The following AGBL4 variants were observed in gnomAD, a reference collection of about 807,000 sequenced individuals.
AGBL4 encodes the protein cytosolic carboxypeptidase 6.
In AGBL4, 58 loss-of-function variants were observed where a neutral mutation model predicts 66.4. That is an observed-to-expected ratio of 0.87 (90% CI 0.71 to 1.09). The LOEUF (loss-of-function observed/expected upper bound fraction) is 1.09, where lower values mean the gene tolerates loss of function less well. AGBL4 is among the 50% of genes least tolerant of loss of function. The pLI is 0.00. For synonymous variants in AGBL4, 234 were observed against 222.9 expected, an observed-to-expected ratio of 1.05 and a Z score of -0.44; for missense variants, 579 against 631.0, an observed-to-expected ratio of 0.92 and a Z score of 0.88.
intron 8 of AGBL4, among the ~76,000 whole-genome samples, chr1:48,638,463 A>G (rs1315958618): frequency 6.6e-6 from 1 of 152,218 alleles, no homozygotes; most frequent in Non-Finnish European, 1.5e-5. Flanking sequence ...CTATAAATGG[A>G]CCAGGAGAAT....
At chr1:48,537,099 A>G (rs2803262) in intron 12 of AGBL4, among the ~76,000 whole-genome samples, 150,901 of 152,326 alleles carry the variant, frequency 0.99, 74,763 homozygotes, top group Middle Eastern at 1. Context: ...TTTCACTTAA[A>G]CTATTTGATG....
At chr1:49,272,781 T>C (rs748521331) in intron 3 of AGBL4, among the ~76,000 whole-genome samples, 3 of 152,206 alleles carry the variant, frequency 2.0e-5, no homozygotes, top group Non-Finnish European at 4.4e-5. Context: ...TCTGTTTATA[T>C]ACTGTCTGTC....
At chr1:48,800,314 C>T (rs1645781088) in intron 6 of AGBL4, among the ~76,000 whole-genome samples, 1 of 152,116 alleles carries the variant, frequency 6.6e-6, no homozygotes, top group African/African-American at 2.4e-5. Flanking sequence ...CTTGAATGAT[C>T]TTTGGTATTT....
At chr1:49,211,438 G>A (rs1468529972) in intron 4 of AGBL4, among the ~76,000 whole-genome samples, 1 of 152,020 alleles carries the variant, frequency 6.6e-6, no homozygotes, top group Non-Finnish European at 1.5e-5. Context: ...TGAACTTATG[G>A]TTCTTCATGT....
intron 3 of AGBL4, among the ~76,000 whole-genome samples, chr1:49,621,028 CAT>C (rs893492218): frequency 1.3e-5 from 2 of 152,166 alleles, no homozygotes; most frequent in African/African-American, 4.8e-5. Flanking sequence ...ACCAAAATGA[CAT>C]GTTTGCAGTA....
chr1:48,598,252 A>G (rs1295740307), intron 9 of AGBL4, among the ~76,000 whole-genome samples: 1 of 152,186 alleles, frequency 6.6e-6, no homozygotes, highest in African/African-American at 2.4e-5. Context: ...GGGGGGCATG[A>G]ATGAGGCAGT....
At chr1:49,546,554 C>A (rs547853238) in intron 3 of AGBL4, among the ~76,000 whole-genome samples, 14 of 152,162 alleles carry the variant, frequency 9.2e-5, no homozygotes, top group South Asian at 2.1e-4. Context: ...GAATGAAATG[C>A]TAGTACTACT....
At chr1:49,232,579 G>T (rs1650402870) in intron 4 of AGBL4, among the ~76,000 whole-genome samples, 1 of 151,768 alleles carries the variant, frequency 6.6e-6, no homozygotes, top group African/African-American at 2.4e-5. Context: ...GATGCCTGTA[G>T]TCCCAGCTAC....
rs114874290 is a variant in AGBL4 at position 48,840,269 on chromosome 1, C to T, written c.634+26922G>A. Among the ~76,000 whole-genome samples, 1,357 of 152,122 alleles carry T rather than the reference C, an allele frequency of 8.9e-3. 7 individuals carry two copies. The highest frequency in any genetic ancestry group is 0.015 in the Non-Finnish European group (1,026 of 67,990). ...CAGAATACCTCTGTGTATAAGACTC[C>T]CAAGGCAGAGATACCTCTGTGTGCC... is the stretch of plus-strand genomic sequence containing the variant. On this transcript the variant is annotated intron_variant, in intron 6 of 13. Transcript: ENST00000371839.
chr1:49,871,772 A>T lies in AGBL4; in HGVS notation c.35-20254T>A, dbSNP rs952607155. On this transcript the variant is annotated intron_variant, in intron 1 of 13. Transcript: ENST00000371839. ...CTAACATATGTTATCAGTAGCAATT[A>T]TGGTTATGATGTAAAATTGTTGTAT... 2.0e-5 allele frequency among the ~76,000 whole-genome samples: 3 copies of T among 152,146 alleles called. No homozygotes were observed. In the South Asian group the frequency reaches 6.2e-4, roughly 31 times the overall value.
chr1:48,703,558 A>T (rs973371431), intron 6 of AGBL4, among the ~76,000 whole-genome samples: 10 of 152,192 alleles, frequency 6.6e-5, no homozygotes, highest in African/African-American at 1.9e-4. Flanking sequence ...GGACTTTCAG[A>T]TACAAAGCAA....
chr1:49,855,568 T>C (rs1646412784), intron 1 of AGBL4, among the ~76,000 whole-genome samples: 1 of 151,926 alleles, frequency 6.6e-6, no homozygotes, highest in Non-Finnish European at 1.5e-5. Context: ...CAGACCACAA[T>C]GGGATAAAAC....
intron 3 of AGBL4, among the ~76,000 whole-genome samples, chr1:49,664,827 A>G (rs769237664): frequency 6.6e-6 from 1 of 152,150 alleles, no homozygotes; most frequent in Non-Finnish European, 1.5e-5. Context: ...TACAAACAGT[A>G]TTCAGTATGT....
At chr1:49,156,606 G>A (rs1646435138) in intron 4 of AGBL4, among the ~76,000 whole-genome samples, 1 of 152,040 alleles carries the variant, frequency 6.6e-6, no homozygotes, top group South Asian at 2.1e-4. Flanking sequence ...TCATTACATA[G>A]GCCTTTCCAT....
intron 2 of AGBL4, among the ~76,000 whole-genome samples, chr1:49,751,247 G>T (rs1651434110): frequency 6.6e-6 from 1 of 152,126 alleles, no homozygotes. Context: ...ATTATTTTGA[G>T]ATACATTCCA....
At chr1:49,373,696 CAGGAAGAG>C (rs1644414006) in intron 3 of AGBL4, among the ~76,000 whole-genome samples, 1 of 151,994 alleles carries the variant, frequency 6.6e-6, no homozygotes, top group African/African-American at 2.4e-5. Context: ...TCAAAGTTCT[CAGGAAGAG>C]AAACAGGTAG....
intron 3 of AGBL4, among the ~76,000 whole-genome samples, chr1:49,671,088 C>T (rs1306344825): frequency 1.3e-5 from 2 of 152,062 alleles, no homozygotes; most frequent in African/African-American, 2.4e-5. Context: ...TTAAACTATA[C>T]TACAAAGCTA....
At chr1:49,850,938 C>T (rs566324468) in intron 2 of AGBL4, among the ~76,000 whole-genome samples, 7 of 152,008 alleles carry the variant, frequency 4.6e-5, no homozygotes, top group Non-Finnish European at 7.4e-5. Flanking sequence ...TTGCCAATTA[C>T]GAGGAAATTT....
chr1:48,554,086 G>A (rs548557900), intron 11 of AGBL4, among the ~76,000 whole-genome samples: 14 of 152,200 alleles, frequency 9.2e-5, no homozygotes, highest in South Asian at 2.1e-4. Context: ...ATTGGGGTTC[G>A]GTCTTTTCCT....
Sources: allele counts gnomAD v4.1 joint callset (sites outside exome capture counted in the v4.1 genomes callset), GRCh38; gene constraint gnomAD v4.1.1; transcripts MANE v1.5; gene names NCBI Gene and HGNC (gene_info 2026-07-23, HGNC 2026-07-21).